Variants in PTCD3 observed in about 807,000 individuals in gnomAD.
PTCD3 encodes pentatricopeptide repeat domain 3, also known as small ribosomal subunit protein mS39.
In PTCD3, 89 loss-of-function variants were observed where a neutral mutation model predicts 101.9. The observed-to-expected ratio is 0.87, with a 90% CI of 0.74 to 1.04. The LOEUF is 1.04. PTCD3 is among the 50% of genes least tolerant of loss of function. PTCD3 has a pLI of 0.00. For missense variants in PTCD3, 870 were observed against 828.2 expected, an observed-to-expected ratio of 1.05 and a Z score of -0.62; for synonymous variants, 296 against 278.5, an observed-to-expected ratio of 1.06 and a Z score of -0.63.
In PTCD3 at chr2:86,141,834, C is replaced by T. The variant is rs1025484865; in HGVS notation, c.*4275C>T. On this transcript the variant is annotated 3_prime_UTR_variant, in exon 24 of 24. Coordinates refer to ENST00000254630, the MANE Select transcript of PTCD3 (RefSeq NM_017952.6). Reference sequence around the variant, plus strand: ...AAAGGGTGAAGAGAAGCCTACCTGCCCTAATGGCTCAGGGCTATATCCACC... The same window carrying T: ...AAAGGGTGAAGAGAAGCCTACCTGCTCTAATGGCTCAGGGCTATATCCACC... 1 of 152,154 alleles carries T rather than the reference C, an allele frequency of 6.6e-6. No homozygotes were observed. The highest frequency in any genetic ancestry group is 1.5e-5 in the Non-Finnish European group (1 of 68,048). The allele number at this position is 152,154 out of a possible 1,614,324, so 9.4% of individuals were successfully genotyped here.
Position 86,137,152 on chromosome 2 carries a change from C to T in PTCD3, c.1979+12C>T. The T allele has an allele frequency of 6.4e-7, 1 of 1,564,064 alleles. No homozygotes were observed. The highest frequency in any genetic ancestry group is 8.7e-7 in the Non-Finnish European group (1 of 1,156,046). On this transcript the variant is annotated intron_variant, in intron 23 of 23. Transcript: ENST00000254630. ...AACCAGGAACAAAAGTAAGTGGTCACCATGAAGCATAGTTTGTAAAATGGA... is the reference window on the plus strand; with the variant it reads ...AACCAGGAACAAAAGTAAGTGGTCATCATGAAGCATAGTTTGTAAAATGGA...
chr2:86,124,314 T>C (rs1674343842), intron 9 of PTCD3, among the ~76,000 whole-genome samples: 1 of 152,148 alleles, frequency 6.6e-6, no homozygotes, highest in Non-Finnish European at 1.5e-5. Context: ...ATGAATTTGA[T>C]AGGATGAAAG....
intron 9 of PTCD3, among the ~76,000 whole-genome samples, chr2:86,124,736 A>G (rs1448002806): frequency 1.3e-5 from 2 of 152,224 alleles, no homozygotes; most frequent in African/African-American, 4.8e-5. Flanking sequence ...AGATATTTAT[A>G]TACTTGTTTA....
chr2:86,119,557 C>G (rs997121789), intron 7 of PTCD3: 1 of 155,410 alleles, frequency 6.4e-6, no homozygotes, highest in African/African-American at 2.4e-5. Flanking sequence ...CGGGGTTTCA[C>G]CATGTAGCCA....
Position 86,124,983 on chromosome 2 carries a change from T to G in PTCD3, c.717-12T>G. Reference sequence around the variant, plus strand: ...TTATTGCCTGGGTTCACATTTACTCTCTTGTGTCTAGAGCAAAAAACAACG... The same window carrying G: ...TTATTGCCTGGGTTCACATTTACTCGCTTGTGTCTAGAGCAAAAAACAACG... On this transcript the variant is annotated splice_polypyrimidine_tract_variant and intron_variant, in intron 9 of 23. Coordinates refer to ENST00000254630, the MANE Select transcript of PTCD3 (RefSeq NM_017952.6). The G allele has an allele frequency of 6.2e-7, 1 of 1,613,038 alleles. No individual in the cohort carries two copies. The highest frequency in any genetic ancestry group is 8.5e-7 in the Non-Finnish European group (1 of 1,179,784).
At chr2:86,110,440 A>G (rs1423555267) in intron 3 of PTCD3, among the ~76,000 whole-genome samples, 1 of 152,250 alleles carries the variant, frequency 6.6e-6, no homozygotes, top group Non-Finnish European at 1.5e-5. Context: ...TTGGAAAGGA[A>G]ACACATTAAA....
chr2:86,114,686 T>A (rs1674149159), intron 4 of PTCD3, among the ~76,000 whole-genome samples: 1 of 152,220 alleles, frequency 6.6e-6, no homozygotes, highest in Non-Finnish European at 1.5e-5. Flanking sequence ...TTATAGCTGC[T>A]CAGGCCAAAA....
Position 86,134,327 on chromosome 2 carries a change from C to G in PTCD3, c.1579C>G (p.Leu527Val), listed in dbSNP as rs1042703303. Residue 527 changes from leucine (L) to valine (V), a missense_variant, in exon 20 of 24, where the codon CTG becomes GTG. Leu to Val is a conservative substitution (Grantham distance 32). Transcript: ENST00000254630. ...KEYGHTFRSD[L>V]REEILMLMAR... ...ATATGGTCATACTTTCCGCAGTGAC[C>G]TGAGAGAAGAGATCCTGATGCTCAT... The G allele has an allele frequency of 5.6e-6, 9 of 1,613,412 alleles. No individual in the cohort carries two copies. The highest frequency in any genetic ancestry group is 7.6e-6 in the Non-Finnish European group (9 of 1,179,526).
chr2:86,118,779 C>A, intron 6 of PTCD3, 142 bp from the exon 7 acceptor site: 1 of 854,684 alleles, frequency 1.2e-6, no homozygotes, highest in Non-Finnish European at 1.8e-6. Context: ...TTAAAATGAT[C>A]AGTAGTATCT....
intron 6 of PTCD3, among the ~76,000 whole-genome samples, chr2:86,117,721 C>T (rs1343306977): frequency 1.3e-5 from 2 of 152,080 alleles, no homozygotes; most frequent in East Asian, 3.9e-4. Flanking sequence ...TCAGCCTCTG[C>T]AATCTCTGGG....
Position 86,121,606 on chromosome 2 carries a change from T to A in PTCD3, c.654+12T>A. The A allele has an allele frequency of 6.5e-7, 1 of 1,532,636 alleles. No individual in the cohort carries two copies. Among genetic ancestry groups the A allele is most frequent in the Non-Finnish European group, 8.8e-7 (1 of 1,131,956 alleles). The allele number at this position is 1,532,636 out of a possible 1,614,324, so 94.9% of individuals were successfully genotyped here. A position where few individuals can be genotyped will look rare whatever the true frequency, so the allele number is the denominator to read the frequency against. ...AGTCAGAAGCATTGGTAATAACTGT[T>A]GGCCTTGATTTTTTTTTTTCCTTAA... On this transcript the variant is annotated intron_variant, in intron 8 of 23. Transcript: ENST00000254630.
chr2:86,127,448 T>TA, intron 13 of PTCD3, 143 bp downstream of exon 13: 1 of 931,112 alleles, frequency 1.1e-6, no homozygotes. Flanking sequence ...CACATTTACT[T>TA]ACATGTACTT....
chr2:86,107,563 A>C (rs1270640707), intron 1 of PTCD3, among the ~76,000 whole-genome samples: 7 of 152,218 alleles, frequency 4.6e-5, no homozygotes. Context: ...TTTTAGTGTG[A>C]TCAGAACACT....
rs1558799976 is a variant in PTCD3, at chr2:86,132,418, T to G, written c.1367T>G (p.Phe456Cys). Residue 456 changes from phenylalanine to cysteine, a missense_variant, in exon 17 of 24, where the codon TTC (phenylalanine) becomes TGC (cysteine). Phe to Cys is a radical substitution (Grantham distance 205). Coordinates refer to ENST00000254630, the MANE Select transcript of PTCD3 (RefSeq NM_017952.6). ...ATTGGACCTGATCAACATCGTAATT[T>G]CTATTAGTAAGTGTGTTGGAAACAT... The part of the protein sequence containing the change: ...KFIGPDQHRN[F>C]YYSKFFDLIC... 2 of 1,579,244 alleles carry G rather than the reference T, an allele frequency of 1.3e-6. No homozygotes were observed. The highest frequency in any genetic ancestry group is 1.7e-5 in the Admixed American group (1 of 59,506).
At chr2:86,125,393 A>G (rs1036723684) in intron 10 of PTCD3, 62 bp from the exon 11 acceptor site, 13 of 1,511,608 alleles carry the variant, frequency 8.6e-6, no homozygotes, top group Middle Eastern at 1.7e-4. Context: ...ACTCTAGGAC[A>G]GAAATGTGCA....
intron 13 of PTCD3, 118 bp from the exon 14 acceptor site, chr2:86,127,823 A>G (rs982326978): frequency 1.2e-6 from 1 of 819,472 alleles, no homozygotes; most frequent in African/African-American, 1.7e-5. Context: ...ATAGAAATGC[A>G]TATTTTGCTT....
chr2:86,109,313 A>G (rs1674030696), intron 3 of PTCD3, among the ~76,000 whole-genome samples: 1 of 151,504 alleles, frequency 6.6e-6, no homozygotes, highest in African/African-American at 2.4e-5. Context: ...AGGCTGAGGC[A>G]GGAGAATGGC....
chr2:86,121,361 A>AT, intron 7 of PTCD3, 118 bp from the exon 8 acceptor site: 1 of 596,920 alleles, frequency 1.7e-6, no homozygotes, highest in Non-Finnish European at 2.9e-6. Context: ...AGTGGACAAC[A>AT]TTAAGTGTGT....
chr2:86,125,435 C>G lies in PTCD3; in HGVS notation c.805-20C>G, dbSNP rs771277817. 3.7e-6 allele frequency: 6 copies of G among 1,606,282 alleles called. No homozygotes were observed. The African/African-American group carries it at 4.0e-5, about 11-fold the overall frequency. On this transcript the variant is annotated intron_variant, in intron 10 of 23. Transcript: ENST00000254630. ...TCTTAAGTAAATGAATTTGATGATG[C>G]TTAATTTTTCCTTTTCCAGCACCGA...
Sources: allele counts gnomAD v4.1 joint callset (sites outside exome capture counted in the v4.1 genomes callset), GRCh38; gene constraint gnomAD v4.1.1; transcripts MANE v1.5; gene names NCBI Gene and HGNC (gene_info 2026-07-23, HGNC 2026-07-21).